The following LRBA variants were observed in gnomAD, a reference collection of about 807,000 sequenced individuals.
LRBA encodes LPS responsive beige-like anchor protein.
LRBA carries 176 observed loss-of-function variants against 330.0 expected under a neutral mutation model. The observed-to-expected ratio is 0.53, with a 90% confidence interval of 0.47 to 0.60. The LOEUF is 0.60. Ranked by LOEUF, LRBA falls within the 20% of genes least tolerant of loss-of-function variation. The pLI, the probability that LRBA is intolerant of heterozygous loss-of-function variation, is 0.00. For synonymous variants in LRBA, 1,230 were observed against 1,193.0 expected, an observed-to-expected ratio of 1.03 and a Z score of -0.64; for missense variants, 3,259 against 3,444.8, an observed-to-expected ratio of 0.95 and a Z score of 1.35.
chr4:150,788,537 A>G (rs1739418912), intron 34 of LRBA, among the ~76,000 whole-genome samples: 1 of 152,062 alleles, frequency 6.6e-6, no homozygotes, highest in Non-Finnish European at 1.5e-5. Context: ...GAGACGGGCA[A>G]ATCACCTGAG....
At chr4:150,629,927 G>A (rs915494956) in intron 37 of LRBA, among the ~76,000 whole-genome samples, 11 of 152,056 alleles carry the variant, frequency 7.2e-5, no homozygotes, top group African/African-American at 2.7e-4. Context: ...CCAAGGCCAC[G>A]ACATTGCACT....
intron 47 of LRBA, among the ~76,000 whole-genome samples, chr4:150,355,951 A>G (rs1737785634): frequency 6.6e-6 from 1 of 152,082 alleles, no homozygotes; most frequent in Non-Finnish European, 1.5e-5. Context: ...AAACACATAT[A>G]CACACAGAGA....
chr4:150,514,797 T>G (rs1046421198), intron 40 of LRBA, among the ~76,000 whole-genome samples: 2 of 152,208 alleles, frequency 1.3e-5, no homozygotes, highest in African/African-American at 4.8e-5. Flanking sequence ...TCTCTTCCAT[T>G]TCTTCTTATT....
intron 2 of LRBA, among the ~76,000 whole-genome samples, chr4:150,959,523 G>A (rs1224679062): frequency 6.7e-6 from 1 of 149,298 alleles, no homozygotes; most frequent in Admixed American, 6.6e-5. Context: ...TCAACCTGAA[G>A]AAGTGCCTAC....
chr4:150,430,097 T>A lies in LRBA; in HGVS notation c.7041+5492A>T, dbSNP rs1373741150. On this transcript the variant is annotated intron_variant, in intron 46 of 56. Transcript: ENST00000651943. ...GCCCAAGTCAAATTTAATCTTTCAC[T>A]CTCTCTCTCTCATCTTACAAGACAA... Among the ~76,000 whole-genome samples, 3 of 151,702 alleles carry A rather than the reference T, an allele frequency of 2.0e-5. No individual in the cohort carries two copies. In the East Asian group the frequency reaches 5.8e-4, roughly 29 times the overall value.
At chr4:150,803,418 T>C (rs1045781412) in intron 33 of LRBA, among the ~76,000 whole-genome samples, 1 of 152,052 alleles carries the variant, frequency 6.6e-6, no homozygotes, top group Non-Finnish European at 1.5e-5. Context: ...AATAAGTTCA[T>C]AGATACTATA....
In LRBA at chr4:150,830,783, A is replaced by G. The variant is rs1273195839; in HGVS notation, c.4729+1034T>C. 2.8e-5 allele frequency among the ~76,000 whole-genome samples: 4 copies of G among 142,528 alleles called. No individual in the cohort carries two copies. The East Asian group carries it at 8.1e-4, about 29-fold the overall frequency. 93.5% of individuals were successfully genotyped at this position (142,528 alleles called of 152,430 possible). On this transcript the variant is annotated intron_variant, in intron 29 of 56. Coordinates refer to ENST00000651943, the MANE Select transcript of LRBA (RefSeq NM_001364905.1). The stretch of plus-strand genomic sequence containing the variant: ...TTTTTTTTTTTTTTTTTTTTTTGGA[A>G]ACGGAGTCTCACTCTGTCACCCAGG...
At chr4:150,464,625 C>T (rs1185684298) in intron 44 of LRBA, among the ~76,000 whole-genome samples, 3 of 151,968 alleles carry the variant, frequency 2.0e-5, no homozygotes, top group African/African-American at 4.8e-5. Flanking sequence ...TTCTGCTGAT[C>T]TGGGCCTGGC....
chr4:150,679,061 GAA>G (rs1409341424), intron 37 of LRBA, among the ~76,000 whole-genome samples: 1 of 151,940 alleles, frequency 6.6e-6, no homozygotes, highest in African/African-American at 2.4e-5. Flanking sequence ...TTTTGGAAAA[GAA>G]AATACGTCAA....
At chr4:150,422,116 G>A (rs1239384625) in intron 46 of LRBA, among the ~76,000 whole-genome samples, 1 of 152,074 alleles carries the variant, frequency 6.6e-6, no homozygotes, top group East Asian at 1.9e-4. Flanking sequence ...ACAAAAATCA[G>A]TCGGGCATCA....
chr4:150,632,175 G>A (rs1356443909), intron 37 of LRBA, among the ~76,000 whole-genome samples: 1 of 150,988 alleles, frequency 6.6e-6, no homozygotes, highest in Non-Finnish European at 1.5e-5. Context: ...AGGTTGCAGT[G>A]AGCAGAGATC....
At chr4:150,523,592 C>T (rs537432364) in intron 40 of LRBA, among the ~76,000 whole-genome samples, 1 of 152,196 alleles carries the variant, frequency 6.6e-6, no homozygotes, top group Non-Finnish European at 1.5e-5. Context: ...TTGACATATC[C>T]TATGAGGAAT....
intron 53 of LRBA, among the ~76,000 whole-genome samples, chr4:150,286,903 A>G (rs184590526): frequency 6.6e-6 from 1 of 152,352 alleles, no homozygotes; most frequent in East Asian, 1.9e-4. Context: ...CCAAGCCACA[A>G]GGATAAACTG....
intron 47 of LRBA, among the ~76,000 whole-genome samples, chr4:150,410,551 C>G (rs546889272): frequency 1.3e-5 from 2 of 152,128 alleles, no homozygotes; most frequent in East Asian, 3.9e-4. Context: ...GTGATTTTAA[C>G]TGGTAACCTT....
chr4:150,512,717 G>GAAAAAAAAAAAAAAAAAAAAAAAAAAAAA (rs370203536), intron 40 of LRBA, among the ~76,000 whole-genome samples: 1 of 100,702 alleles, frequency 9.9e-6, no homozygotes, highest in Non-Finnish European at 1.9e-5. Context: ...TGCTTTTTGA[G>GAAAAAAAAAAAAAAAAAAAAAAAAAAAAA]AAAAAAAAAA....
intron 44 of LRBA, among the ~76,000 whole-genome samples, chr4:150,447,334 T>G (rs1030363016): frequency 1.3e-5 from 2 of 152,196 alleles, no homozygotes; most frequent in African/African-American, 4.8e-5. Flanking sequence ...AGTATATAGA[T>G]TTCTTTCTCC....
intron 36 of LRBA, among the ~76,000 whole-genome samples, chr4:150,720,292 C>T (rs13119454): frequency 0.71 from 108,348 of 151,846 alleles, 43,185 homozygotes; most frequent in Non-Finnish European, 0.9. Flanking sequence ...ATAGAAAAGA[C>T]AAAACATCTG....
intron 13 of LRBA, among the ~76,000 whole-genome samples, chr4:150,903,210 T>C (rs1055290624): frequency 6.6e-5 from 10 of 151,826 alleles, no homozygotes; most frequent in Middle Eastern, 3.2e-3. Context: ...AGCAAGACCC[T>C]AGTCTCTACA....
chr4:150,680,203 T>C (rs1454387889), intron 37 of LRBA, among the ~76,000 whole-genome samples: 3 of 152,232 alleles, frequency 2.0e-5, no homozygotes, highest in Non-Finnish European at 4.4e-5. Context: ...CAGTAATGTA[T>C]GGATGAACAG....
Sources: allele counts gnomAD v4.1 joint callset (sites outside exome capture counted in the v4.1 genomes callset), GRCh38; gene constraint gnomAD v4.1.1; transcripts MANE v1.5; gene names NCBI Gene and HGNC (gene_info 2026-07-23, HGNC 2026-07-21).